The following ORC3 variants were observed in gnomAD, a reference collection of about 807,000 sequenced individuals.
ORC3 encodes homolog of latheo, Drosophila.
ORC3 carries 78 observed loss-of-function variants against 100.7 expected under a neutral mutation model. The ratio of observed to expected loss-of-function variants is 0.77; its 90% CI spans 0.65 to 0.94. ORC3 has a LOEUF of 0.94. Ranked by LOEUF, ORC3 falls within the 40% of genes least tolerant of loss-of-function variation. ORC3 has a pLI of 0.00. For missense variants in ORC3, 789 were observed against 823.9 expected, an observed-to-expected ratio of 0.96 and a Z score of 0.52; for synonymous variants, 295 against 289.3, an observed-to-expected ratio of 1.02 and a Z score of -0.20.
chr6:87,624,340 C>T (rs1202840497), intron 11 of ORC3, among the ~76,000 whole-genome samples: 1 of 151,878 alleles, frequency 6.6e-6, no homozygotes, highest in African/African-American at 2.4e-5. Context: ...AAAAATTAGC[C>T]GGGCATAGTG....
At chr6:87,659,720 A>G (rs1770035760) in intron 16 of ORC3, among the ~76,000 whole-genome samples, 1 of 151,938 alleles carries the variant, frequency 6.6e-6, no homozygotes, top group Admixed American at 6.5e-5. Context: ...CGACTCTACT[A>G]AAAATACGAA....
In ORC3 at chr6:87,594,342, TC is replaced by T. The variant is rs745883581; in HGVS notation, c.25-10del. 9.6e-6 allele frequency: 15 copies of T among 1,570,388 alleles called. No individual in the cohort carries two copies. Among genetic ancestry groups the T allele is most frequent in the Non-Finnish European group, 1.1e-5 (13 of 1,150,688 alleles). ...ACTTTGACTTTATGCTTTTCGTCTTTCTTTTTATAGGGTTGCTTTGTTTTTA... is the reference window on the plus strand; with the variant it reads ...ACTTTGACTTTATGCTTTTCGTCTTTTTTTTATAGGGTTGCTTTGTTTTTA... On this transcript the variant is annotated splice_polypyrimidine_tract_variant and intron_variant, in intron 1 of 19. Transcript: ENST00000392844.
intron 13 of ORC3, among the ~76,000 whole-genome samples, chr6:87,649,513 C>T (rs1482382796): frequency 3.9e-5 from 6 of 152,130 alleles, no homozygotes; most frequent in Admixed American, 1.3e-4. Flanking sequence ...TTTGAGAGGC[C>T]GAGGCGGGCA....
chr6:87,590,956 G>T (rs1776836298), intron 1 of ORC3, among the ~76,000 whole-genome samples: 1 of 152,178 alleles, frequency 6.6e-6, no homozygotes, highest in Admixed American at 6.5e-5. Context: ...GCAAGAAATT[G>T]CAAGACATAG....
intron 2 of ORC3, among the ~76,000 whole-genome samples, chr6:87,599,033 G>A (rs1213750824): frequency 1.3e-5 from 2 of 152,314 alleles, no homozygotes; most frequent in Admixed American, 6.5e-5. Flanking sequence ...CTGAAGTATA[G>A]CACTGTGAAT....
At chr6:87,613,407 G>T (rs1221765029) in intron 8 of ORC3, among the ~76,000 whole-genome samples, 1 of 152,134 alleles carries the variant, frequency 6.6e-6, no homozygotes, top group Non-Finnish European at 1.5e-5. Context: ...GATGAGATTT[G>T]GGTGGGGACA....
chr6:87,623,821 C>T (rs1779700571), intron 11 of ORC3, among the ~76,000 whole-genome samples: 1 of 151,792 alleles, frequency 6.6e-6, no homozygotes, highest in South Asian at 2.1e-4. Flanking sequence ...GAGGTGGAGG[C>T]TGTGGTAAGC....
downstream of ORC3, among the ~76,000 whole-genome samples, chr6:87,669,121 C>T (rs1164068668): frequency 1.3e-5 from 2 of 152,238 alleles, no homozygotes. Context: ...TACACCATTG[C>T]ACTCCAGCCT....
the ORC3 span, chr6:87,675,578 C>T: frequency 6.2e-7 from 1 of 1,613,816 alleles, no homozygotes; most frequent in Non-Finnish European, 8.5e-7. Flanking sequence ...AGGCAGCCCA[C>T]AAATGCAGGA....
chr6:87,665,931 C>G (rs1400727023), intron 19 of ORC3, 98 bp downstream of exon 19: 1 of 670,264 alleles, frequency 1.5e-6, no homozygotes, highest in Middle Eastern at 3.3e-4. Context: ...AAGGCGTACT[C>G]CAAACAACCG....
intron 11 of ORC3, among the ~76,000 whole-genome samples, chr6:87,624,212 G>A (rs1051439734): frequency 1.3e-5 from 2 of 152,132 alleles, no homozygotes; most frequent in Admixed American, 1.3e-4. Context: ...GGCCAGGCAC[G>A]GTGGCTCACT....
intron 16 of ORC3, among the ~76,000 whole-genome samples, chr6:87,659,246 T>G (rs28381526): frequency 0.035 from 5,282 of 151,732 alleles, 306 homozygotes; most frequent in African/African-American, 0.12. Context: ...GTATTTTTAG[T>G]AGAGACGGGG....
At chr6:87,600,387 G>A (rs1181862704) in intron 2 of ORC3, among the ~76,000 whole-genome samples, 1 of 152,132 alleles carries the variant, frequency 6.6e-6, no homozygotes, top group Non-Finnish European at 1.5e-5. Flanking sequence ...TTAAAGATGG[G>A]ATTTTTCCCC....
Position 87,656,989 on chromosome 6 carries a change from T to C in ORC3, c.1593+7T>C, listed in dbSNP as rs1321335703. ...CCTCTATCATCTTCAGAAGGTCAGG[T>C]CACTCTCTTCCCTTCCAGCTGCATC... On this transcript the variant is annotated splice_region_variant and intron_variant, in intron 15 of 19. Transcript: ENST00000392844. 1.3e-6 allele frequency: 2 copies of C among 1,576,604 alleles called. No homozygotes were observed. Among genetic ancestry groups the C allele is most frequent in the Non-Finnish European group, 1.7e-6 (2 of 1,145,508 alleles).
intron 18 of ORC3, among the ~76,000 whole-genome samples, chr6:87,665,520 C>T (rs760671641): frequency 5.3e-5 from 8 of 151,180 alleles, no homozygotes; most frequent in Non-Finnish European, 1.2e-4. Flanking sequence ...TGACTAGCTT[C>T]GTTTCTTTTC....
chr6:87,643,758 G>A (rs950261499), intron 13 of ORC3, among the ~76,000 whole-genome samples: 19 of 152,096 alleles, frequency 1.2e-4, no homozygotes, highest in Non-Finnish European at 2.2e-4. Flanking sequence ...TGTGAACTCA[G>A]GGTTATACAG....
chr6:87,667,783 G>A (rs1770743122), downstream of ORC3, among the ~76,000 whole-genome samples: 1 of 152,140 alleles, frequency 6.6e-6, no homozygotes, highest in African/African-American at 2.4e-5. Context: ...CAAAAAATTA[G>A]CCAGGTGTGG....
intron 14 of ORC3, among the ~76,000 whole-genome samples, chr6:87,653,705 C>G (rs555171993): frequency 6.6e-6 from 1 of 152,322 alleles, no homozygotes; most frequent in East Asian, 1.9e-4. Context: ...CAGTGAGGCT[C>G]ATTGGTATGT....
chr6:87,613,229 T>A (rs977687240), intron 8 of ORC3, among the ~76,000 whole-genome samples: 1 of 152,178 alleles, frequency 6.6e-6, no homozygotes, highest in South Asian at 2.1e-4. Flanking sequence ...ACATCTTACA[T>A]AGATGGCAGC....
Sources: allele counts gnomAD v4.1 joint callset (sites outside exome capture counted in the v4.1 genomes callset), GRCh38; gene constraint gnomAD v4.1.1; transcripts MANE v1.5; gene names NCBI Gene and HGNC (gene_info 2026-07-23, HGNC 2026-07-21).